Variants in CCDC148 observed in about 807,000 individuals in gnomAD.
CCDC148 encodes coiled-coil domain-containing protein 148.
CCDC148 carries 89 observed loss-of-function variants against 85.7 expected under a neutral mutation model. The observed-to-expected ratio is 1.04, with a 90% CI of 0.87 to 1.24. The LOEUF (loss-of-function observed/expected upper bound fraction) is 1.24. Among genes scored for constraint, CCDC148 ranks in the 50% most tolerant of loss-of-function variants. CCDC148 has a pLI of 0.00. For synonymous variants in CCDC148, 230 were observed against 213.9 expected (o/e 1.08, Z -0.66); for missense variants, 692 against 671.7 (o/e 1.03, Z -0.33).
chr2:158,282,118 G>A (rs369870856), intron 9 of CCDC148, among the ~76,000 whole-genome samples: 10,471 of 150,932 alleles, frequency 0.069, 492 homozygotes, highest in Middle Eastern at 0.11. Flanking sequence ...GGTATTGATG[G>A]GACGTATTTC....
chr2:158,247,630 G>A (rs545878159), intron 10 of CCDC148, among the ~76,000 whole-genome samples: 1 of 152,260 alleles, frequency 6.6e-6, no homozygotes, highest in African/African-American at 2.4e-5. Flanking sequence ...GCTGAGGCGG[G>A]CGGATCATCT....
At chr2:158,249,953 T>TA (rs933028932) in intron 10 of CCDC148, among the ~76,000 whole-genome samples, 47 of 152,130 alleles carry the variant, frequency 3.1e-4, no homozygotes, top group African/African-American at 1.1e-3. Context: ...GTGTATAGGT[T>TA]AAAGACATTT....
At chr2:158,395,264 C>A (rs1281616455) in intron 1 of CCDC148, among the ~76,000 whole-genome samples, 1 of 152,078 alleles carries the variant, frequency 6.6e-6, no homozygotes, top group African/African-American at 2.4e-5. Flanking sequence ...CAGAAACCTG[C>A]CCGTGGTACA....
intron 8 of CCDC148, among the ~76,000 whole-genome samples, chr2:158,312,591 A>AAC (rs1212332394): frequency 1.3e-5 from 2 of 151,046 alleles, no homozygotes; most frequent in Admixed American, 6.6e-5. Context: ...AAAAAAAAAA[A>AAC]AAAAAACCAA....
chr2:158,437,647 G>A (rs144471187), intron 1 of CCDC148, among the ~76,000 whole-genome samples: 25,314 of 152,076 alleles, frequency 0.17, 2,270 homozygotes, highest in Middle Eastern at 0.22. Context: ...GCAGGAGAAG[G>A]AAATAAAGGG....
At chr2:158,385,709 T>G (rs1371772890) in intron 1 of CCDC148, among the ~76,000 whole-genome samples, 1 of 152,164 alleles carries the variant, frequency 6.6e-6, no homozygotes, top group African/African-American at 2.4e-5. Flanking sequence ...CATGTCATGA[T>G]AGGTCTTAGC....
intron 7 of CCDC148, 102 bp from the exon 8 acceptor site, chr2:158,313,996 C>T (rs973251284): frequency 1.7e-5 from 20 of 1,172,886 alleles, no homozygotes; most frequent in South Asian, 3.5e-5. Flanking sequence ...CGAAGCAAAA[C>T]GAGGTTTCTG....
chr2:158,238,063 T>G (rs1349988278), intron 10 of CCDC148, among the ~76,000 whole-genome samples: 1 of 152,028 alleles, frequency 6.6e-6, no homozygotes, highest in Non-Finnish European at 1.5e-5. Flanking sequence ...GACAAAATGG[T>G]TCAAGAGGGA....
At position 158,310,818 on chromosome 2, in the gene CCDC148, G is replaced by A. The variant is rs878972730; in HGVS notation, c.904-1179C>T. 3.3e-5 allele frequency among the ~76,000 whole-genome samples: 5 copies of A among 150,054 alleles called. No individual in the cohort carries two copies. In the East Asian group the frequency reaches 6.0e-4, roughly 18 times the overall value. ...AGACGATAGGCGGCCAGGCAGAGAC[G>A]CTCCTCACTTCCTAGATGGGATGAC... On this transcript the variant is annotated intron_variant, in intron 8 of 13. Transcript: ENST00000283233.
chr2:158,235,162 AGTATATTGT>A (rs2105316479), intron 10 of CCDC148, among the ~76,000 whole-genome samples: 1 of 152,324 alleles, frequency 6.6e-6, no homozygotes, highest in East Asian at 1.9e-4. Flanking sequence ...TAACTACAAA[AGTATATTGT>A]GTATATTATG....
rs540576730 is a variant in CCDC148, at chr2:158,179,820, C to T, written c.1371-824G>A. Among the ~76,000 whole-genome samples, 11 of 152,272 alleles carry T rather than the reference C, an allele frequency of 7.2e-5. No homozygotes were observed. In the South Asian group the frequency reaches 2.1e-3, roughly 29 times the overall value. On this transcript the variant is annotated intron_variant, in intron 11 of 13. Coordinates refer to ENST00000283233, the MANE Select transcript of CCDC148 (RefSeq NM_138803.4). ...GTAGGTGCGTATGTGTGTTAAGCAA[C>T]TTTTAAAATTGCACTTTGACATCTG...
intron 1 of CCDC148, among the ~76,000 whole-genome samples, chr2:158,439,601 T>C (rs984472261): frequency 6.6e-6 from 1 of 151,966 alleles, no homozygotes; most frequent in African/African-American, 2.4e-5. Flanking sequence ...GTTGTGCACA[T>C]GTACCCTGGA....
chr2:158,174,373 G>T (rs774370027), intron 13 of CCDC148, among the ~76,000 whole-genome samples: 4 of 151,870 alleles, frequency 2.6e-5, no homozygotes, highest in Non-Finnish European at 5.9e-5. Flanking sequence ...CCCTTTCTCA[G>T]CCAGAGCCAT....
At chr2:158,431,439 C>A (rs78024003) in intron 1 of CCDC148, among the ~76,000 whole-genome samples, 11,321 of 146,140 alleles carry the variant, frequency 0.077, 570 homozygotes, top group Middle Eastern at 0.12. Context: ...CTATACAAGT[C>A]AAAAAAAATG....
At chr2:158,205,837 T>C (rs572891746) in intron 11 of CCDC148, among the ~76,000 whole-genome samples, 1 of 152,254 alleles carries the variant, frequency 6.6e-6, no homozygotes, top group Admixed American at 6.5e-5. Flanking sequence ...TTGTCCTTGA[T>C]GCAGAGGGTT....
chr2:158,227,582 C>T (rs1687615497), intron 10 of CCDC148, among the ~76,000 whole-genome samples: 1 of 152,172 alleles, frequency 6.6e-6, no homozygotes, highest in African/African-American at 2.4e-5. Flanking sequence ...GTAACCAAAA[C>T]AGCATGATAC....
At chr2:158,417,709 T>A (rs1168070355) in intron 1 of CCDC148, among the ~76,000 whole-genome samples, 2 of 152,170 alleles carry the variant, frequency 1.3e-5, no homozygotes, top group African/African-American at 4.8e-5. Context: ...CCCCATAAAT[T>A]AAGCTTGTCT....
At chr2:158,302,278 G>A (rs1469083901) in intron 9 of CCDC148, among the ~76,000 whole-genome samples, 1 of 152,142 alleles carries the variant, frequency 6.6e-6, no homozygotes, top group Non-Finnish European at 1.5e-5. Flanking sequence ...GAGGTGGCTT[G>A]TCTCCTGGGA....
At chr2:158,371,123 T>A (rs897039131) in intron 1 of CCDC148, among the ~76,000 whole-genome samples, 1 of 151,972 alleles carries the variant, frequency 6.6e-6, no homozygotes, top group African/African-American at 2.4e-5. Context: ...TACCATGGTA[T>A]GCCTATTTTA....
Sources: gnomAD v4.1 joint callset for allele counts (sites outside exome capture counted in the v4.1 genomes callset) on GRCh38, gnomAD v4.1.1 for gene constraint, MANE v1.5 for transcripts, NCBI Gene and HGNC (gene_info 2026-07-23, HGNC 2026-07-21) for gene names.